Variants in FRMD3 observed in about 807,000 individuals in gnomAD.
The protein encoded by FRMD3 is FERM domain containing 3.
FRMD3 carries 33 observed loss-of-function variants against 70.2 expected under a neutral mutation model. That is an observed-to-expected ratio of 0.47 (90% CI 0.36 to 0.63). FRMD3 has a LOEUF of 0.63. Among genes scored for constraint, FRMD3 ranks in the 20% least tolerant of loss-of-function variants. The pLI is 0.00. For synonymous variants in FRMD3, 279 were observed against 255.9 expected, an observed-to-expected ratio of 1.09 and a Z score of -0.86; for missense variants, 632 against 711.4, an observed-to-expected ratio of 0.89 and a Z score of 1.27.
intron 1 of FRMD3, among the ~76,000 whole-genome samples, chr9:83,452,176 T>G (rs966118417): frequency 1.3e-5 from 2 of 152,176 alleles, no homozygotes; most frequent in African/African-American, 4.8e-5. Context: ...TTTGATGCGG[T>G]AGACGCTCCG....
At chr9:83,536,232 T>C (rs1463379075) in intron 1 of FRMD3, among the ~76,000 whole-genome samples, 1 of 152,212 alleles carries the variant, frequency 6.6e-6, no homozygotes, top group African/African-American at 2.4e-5. Context: ...TCATAAGCAC[T>C]GGAGTTTTTC....
intron 4 of FRMD3, among the ~76,000 whole-genome samples, chr9:83,348,277 T>C (rs1220812686): frequency 1.3e-5 from 2 of 152,146 alleles, no homozygotes; most frequent in Admixed American, 1.3e-4. Context: ...TGGCAGCTAA[T>C]TCAGTCACTG....
At chr9:83,449,071 G>A (rs911386910) in intron 1 of FRMD3, among the ~76,000 whole-genome samples, 7 of 152,124 alleles carry the variant, frequency 4.6e-5, no homozygotes, top group African/African-American at 1.2e-4. Flanking sequence ...CAGCATTCAC[G>A]GAGGGGATGT....
chr9:83,491,817 A>C (rs1001338109), intron 1 of FRMD3, among the ~76,000 whole-genome samples: 2 of 152,206 alleles, frequency 1.3e-5, no homozygotes, highest in African/African-American at 2.4e-5. Context: ...TTGCCTGGAA[A>C]AGTTGTCCTA....
At chr9:83,330,645 C>A (rs901383866) in intron 6 of FRMD3, among the ~76,000 whole-genome samples, 12 of 152,212 alleles carry the variant, frequency 7.9e-5, no homozygotes, top group Non-Finnish European at 1.8e-4. Flanking sequence ...ATGTGGCCTG[C>A]CACCTGTGTT....
At chr9:83,374,534 G>A (rs1032776588) in intron 2 of FRMD3, among the ~76,000 whole-genome samples, 2 of 152,160 alleles carry the variant, frequency 1.3e-5, no homozygotes, top group African/African-American at 4.8e-5. Flanking sequence ...CTGAACAGTG[G>A]AAGACACATT....
chr9:83,485,214 C>T (rs1037797831), intron 1 of FRMD3, among the ~76,000 whole-genome samples: 1 of 152,258 alleles, frequency 6.6e-6, no homozygotes, highest in East Asian at 1.9e-4. Context: ...TGTAGAATTC[C>T]GTGTACTTAT....
rs78611846 is a variant in FRMD3, at chr9:83,346,665, A to G, written c.374+3014T>C. 7.5e-3 allele frequency among the ~76,000 whole-genome samples: 1,147 copies of G among 152,350 alleles called. 16 individuals are homozygous for G. The highest frequency in any genetic ancestry group is 0.025 in the African/African-American group (1,031 of 41,588). On this transcript the variant is annotated intron_variant, in intron 4 of 13. Coordinates refer to ENST00000304195, the MANE Select transcript of FRMD3 (RefSeq NM_174938.6). ...TGCACATACTAAACTGTACACTTCA[A>G]TATCTGTCAAAATAAACTATTTTGA...
chr9:83,250,471 G>A (rs1334179425), intron 13 of FRMD3, among the ~76,000 whole-genome samples: 4 of 152,172 alleles, frequency 2.6e-5, no homozygotes. Flanking sequence ...TCCCTAGGAA[G>A]GTGGTTGAAT....
At chr9:83,449,270 C>T (rs1482184941) in intron 1 of FRMD3, among the ~76,000 whole-genome samples, 1 of 152,182 alleles carries the variant, frequency 6.6e-6, no homozygotes, top group Non-Finnish European at 1.5e-5. Context: ...GAAAACCTAA[C>T]ACAGAACTCA....
chr9:83,365,108 G>A (rs1365184625), intron 3 of FRMD3, among the ~76,000 whole-genome samples: 1 of 152,088 alleles, frequency 6.6e-6, no homozygotes, highest in African/African-American at 2.4e-5. Flanking sequence ...CCCACCAGTG[G>A]TCTTTTTATA....
intron 8 of FRMD3, among the ~76,000 whole-genome samples, 199 bp from the exon 9 acceptor site, chr9:83,310,747 C>A (rs1835321395): frequency 6.6e-6 from 1 of 152,190 alleles, no homozygotes; most frequent in Non-Finnish European, 1.5e-5. Flanking sequence ...AGGATCCGCA[C>A]AGAGCTCAGA....
intron 6 of FRMD3, among the ~76,000 whole-genome samples, chr9:83,316,219 T>G (rs1391949709): frequency 1.4e-5 from 2 of 145,044 alleles, no homozygotes; most frequent in African/African-American, 5.2e-5. Flanking sequence ...AGTGCAGTGG[T>G]GCAATCTCAG....
chr9:83,335,499 G>T lies in FRMD3; in HGVS notation c.596+17C>A. ...TCTCCCCTTTATCATTTTCACAAAT[G>T]TCTACTCAGTAATTACCTGAGTTCA... On this transcript the variant is annotated intron_variant, in intron 6 of 13. Coordinates refer to ENST00000304195, the MANE Select transcript of FRMD3 (RefSeq NM_174938.6). 1 of 1,599,402 alleles carries T rather than the reference G, an allele frequency of 6.3e-7. No individual in the cohort carries two copies. Among genetic ancestry groups the T allele is most frequent in the Non-Finnish European group, 8.6e-7 (1 of 1,168,570 alleles).
rs1355879443 is a variant in FRMD3, at chr9:83,245,128, A to AATAAGCACAATT, written c.*2778_*2789dup. The AATAAGCACAATT allele has an allele frequency of 5.1e-6, 5 of 985,364 alleles. No homozygotes were observed. Among genetic ancestry groups the AATAAGCACAATT allele is most frequent in the Non-Finnish European group, 6.0e-6 (5 of 829,854 alleles). 61.0% of individuals were successfully genotyped at this position (985,364 alleles called of 1,614,324 possible). On this transcript the variant is annotated 3_prime_UTR_variant, in exon 14 of 14. Transcript: ENST00000304195. ...ATCTCAAATTCCTCAATTAGGGCAA[A>AATAAGCACAATT]ATAAGCACAATTATGCATGAGGGGC...
At chr9:83,357,213 G>T (rs1247196021) in intron 3 of FRMD3, among the ~76,000 whole-genome samples, 1 of 43,682 alleles carries the variant, frequency 2.3e-5, no homozygotes, top group Non-Finnish European at 4.3e-5. Flanking sequence ...AACATACATG[G>T]AATATATATA....
chr9:83,302,082 T>C (rs755777272), intron 10 of FRMD3, among the ~76,000 whole-genome samples: 1 of 152,000 alleles, frequency 6.6e-6, no homozygotes, highest in Non-Finnish European at 1.5e-5. Context: ...ACCCATGCAC[T>C]GGGAATTGGG....
At chr9:83,378,431 C>A (rs796460306) in intron 2 of FRMD3, among the ~76,000 whole-genome samples, 130 of 144,190 alleles carry the variant, frequency 9.0e-4, no homozygotes, top group African/African-American at 3.2e-3. Flanking sequence ...GTGCAAGCCA[C>A]CATGCCCGGC....
the FRMD3 span, among the ~76,000 whole-genome samples, chr9:83,547,303 A>C: frequency 6.7e-6 from 1 of 148,498 alleles, no homozygotes; most frequent in African/African-American, 2.4e-5. Context: ...TATAACCAAA[A>C]AAGGTCATTA....
Sources: allele counts gnomAD v4.1 joint callset (sites outside exome capture counted in the v4.1 genomes callset), GRCh38; gene constraint gnomAD v4.1.1; transcripts MANE v1.5; gene names NCBI Gene and HGNC (gene_info 2026-07-23, HGNC 2026-07-21).